AP2B1: variants seen among roughly 807,000 people sequenced by gnomAD.
AP2B1 encodes adaptor related protein complex 2 subunit beta 1.
In AP2B1, 23 loss-of-function variants were observed where a neutral mutation model predicts 102.0. The ratio of observed to expected loss-of-function variants is 0.23; its 90% CI spans 0.16 to 0.32. AP2B1 has a LOEUF of 0.32. Ranked by LOEUF, AP2B1 falls within the 10% of genes least tolerant of loss-of-function variation. The probability of loss-of-function intolerance (pLI) is 1.00; values close to 1 mark genes in which losing one functional copy is unlikely to be tolerated. For synonymous variants in AP2B1, 381 were observed against 421.2 expected (o/e 0.90, Z 1.17); for missense variants, 541 against 1,157.4 (o/e 0.47, Z 7.73).
At chr17:35,604,736 C>T (rs759316789) in intron 3 of AP2B1, among the ~76,000 whole-genome samples, 2 of 151,564 alleles carry the variant, frequency 1.3e-5, no homozygotes, top group East Asian at 1.9e-4. Flanking sequence ...CCAGCCTGGG[C>T]GACAGAGTGA....
chr17:35,689,786 G>C (rs1410328014), intron 18 of AP2B1, among the ~76,000 whole-genome samples: 1 of 152,140 alleles, frequency 6.6e-6, no homozygotes, highest in African/African-American at 2.4e-5. Flanking sequence ...TGTGGCTAAT[G>C]GTTACTAGAT....
At chr17:35,701,156 T>C (rs1173352975) in intron 18 of AP2B1, among the ~76,000 whole-genome samples, 1 of 83,604 alleles carries the variant, frequency 1.2e-5, no homozygotes, top group Non-Finnish European at 2.3e-5. Context: ...GTAAGAAATG[T>C]ATTTTACATA....
Position 35,624,421 on chromosome 17 carries a change from T to C in AP2B1, c.550T>C (p.Leu184=), listed in dbSNP as rs1191595323. The part of the protein sequence containing the change: ...PMVVANAVAA[L]SEISESHPNS... ...GGTGGTGGCTAATGCCGTAGCGGCA[T>C]TATCTGAAATCAGTGAGTCTCACCC... Residue 184 remains leucine, a synonymous_variant, in exon 6 of 22, where the codon TTA becomes CTA. Transcript: ENST00000610402. 6.2e-7 allele frequency: 1 copy of C among 1,614,150 alleles called. No homozygotes were observed. Among genetic ancestry groups the C allele is most frequent in the Non-Finnish European group, 8.5e-7 (1 of 1,180,010 alleles).
intron 21 of AP2B1, among the ~76,000 whole-genome samples, chr17:35,718,045 A>C (rs2085230863): frequency 6.6e-6 from 1 of 152,172 alleles, no homozygotes; most frequent in South Asian, 2.1e-4. Context: ...AAAGTAAAGG[A>C]AAAACCCTTG....
chr17:35,696,413 C>CTT lies in AP2B1; in HGVS notation c.2455-12793_2455-12792dup, dbSNP rs71366474. 3.9e-3 allele frequency among the ~76,000 whole-genome samples: 507 copies of CTT among 131,250 alleles called. 4 individuals carry two copies. The highest frequency in any genetic ancestry group is 0.019 in the East Asian group (84 of 4,492). 86.1% of individuals were successfully genotyped at this position (131,250 alleles called of 152,430 possible). On this transcript the variant is annotated intron_variant, in intron 18 of 21. Transcript: ENST00000610402. ...TACAGTTAGGTAGAAGGAATAAGTT[C>CTT]TTTTTTTTTTTTTTTTTTTAAGTCT...
chr17:35,720,792 C>T (rs1269225289), intron 21 of AP2B1, among the ~76,000 whole-genome samples: 1 of 150,308 alleles, frequency 6.7e-6, no homozygotes, highest in Non-Finnish European at 1.5e-5. Flanking sequence ...TCCTATTCTT[C>T]ATCCTGTCTG....
At chr17:35,652,819 T>TA (rs957453267) in intron 13 of AP2B1, among the ~76,000 whole-genome samples, 1 of 152,200 alleles carries the variant, frequency 6.6e-6, no homozygotes, top group African/African-American at 2.4e-5. Context: ...TTTTTAGACA[T>TA]ACTGATAGAA....
At chr17:35,679,664 TA>T in intron 17 of AP2B1, among the ~76,000 whole-genome samples, 1 of 152,282 alleles carries the variant, frequency 6.6e-6, no homozygotes, top group African/African-American at 2.4e-5. Context: ...TTTCATTTCT[TA>T]AATGAGCACT....
intron 20 of AP2B1, among the ~76,000 whole-genome samples, chr17:35,716,787 G>C (rs2076559313): frequency 6.6e-6 from 1 of 152,086 alleles, no homozygotes; most frequent in Non-Finnish European, 1.5e-5. Flanking sequence ...CATTGATCTG[G>C]AACCAGCATC....
chr17:35,588,694 G>C (rs561899963), intron 1 of AP2B1: 27 of 152,324 alleles, frequency 1.8e-4, no homozygotes, highest in African/African-American at 6.0e-4. Context: ...ATAAGAAAAC[G>C]TGTTAAGACA....
At chr17:35,656,556 C>A (rs985556890) in intron 13 of AP2B1, among the ~76,000 whole-genome samples, 1 of 152,062 alleles carries the variant, frequency 6.6e-6, no homozygotes, top group Non-Finnish European at 1.5e-5. Context: ...AGTTTCTGTT[C>A]TTTGTTCAAG....
At chr17:35,635,544 C>T (rs563835448) in intron 9 of AP2B1, among the ~76,000 whole-genome samples, 8 of 151,378 alleles carry the variant, frequency 5.3e-5, no homozygotes, top group South Asian at 4.2e-4. Context: ...CCACCACGCC[C>T]GGCTAATTTG....
intron 13 of AP2B1, among the ~76,000 whole-genome samples, chr17:35,652,931 G>A (rs950357674): frequency 2.6e-5 from 4 of 152,176 alleles, no homozygotes; most frequent in African/African-American, 7.2e-5. Flanking sequence ...CTTGTCAGGT[G>A]TATGAAATCA....
chr17:35,590,066 C>T (rs1320447704), intron 1 of AP2B1, among the ~76,000 whole-genome samples: 1 of 151,856 alleles, frequency 6.6e-6, no homozygotes, highest in African/African-American at 2.4e-5. Flanking sequence ...GCTGGGACTA[C>T]AGGCGCCCGC....
intron 2 of AP2B1, among the ~76,000 whole-genome samples, chr17:35,597,624 T>C (rs982140887): frequency 1.3e-5 from 2 of 152,240 alleles, no homozygotes; most frequent in African/African-American, 4.8e-5. Context: ...CTCTTAAAGG[T>C]ATAAATATGA....
intron 9 of AP2B1, among the ~76,000 whole-genome samples, chr17:35,631,098 T>A (rs1209394522): frequency 6.6e-6 from 1 of 152,176 alleles, no homozygotes; most frequent in Non-Finnish European, 1.5e-5. Flanking sequence ...AAAGCAATCC[T>A]ATGGTGCTAT....
intron 5 of AP2B1, among the ~76,000 whole-genome samples, chr17:35,609,344 G>A (rs916975404): frequency 1.9e-5 from 2 of 107,980 alleles, no homozygotes; most frequent in Non-Finnish European, 3.5e-5. Context: ...ACCACATCCC[G>A]CTAATTTTTT....
intron 10 of AP2B1, 104 bp from the exon 11 acceptor site, chr17:35,639,491 G>A (rs1428695413): frequency 1.1e-6 from 1 of 937,760 alleles, no homozygotes; most frequent in African/African-American, 1.7e-5. Flanking sequence ...ACAGTTTGGT[G>A]GTTTGGTTTA....
intron 6 of AP2B1, 121 bp downstream of exon 6, chr17:35,624,708 T>G: frequency 1.2e-6 from 1 of 809,540 alleles, no homozygotes; most frequent in East Asian, 2.7e-5. Context: ...TATTGCTATC[T>G]CCAGGGTATT....
Sources: gnomAD v4.1 joint callset for allele counts (sites outside exome capture counted in the v4.1 genomes callset) on GRCh38, gnomAD v4.1.1 for gene constraint, MANE v1.5 for transcripts, NCBI Gene and HGNC (gene_info 2026-07-23, HGNC 2026-07-21) for gene names.